The following COL4A1 variants were observed in gnomAD, a reference collection of about 807,000 sequenced individuals.
COL4A1 encodes collagen alpha-1(IV) chain.
In COL4A1, 40 loss-of-function variants were observed where a neutral mutation model predicts 216.6. The ratio of observed to expected loss-of-function variants is 0.18; its 90% CI spans 0.14 to 0.24. The LOEUF is 0.24. Ranked by LOEUF, COL4A1 falls within the 10% of genes least tolerant of loss-of-function variation. The probability of loss-of-function intolerance (pLI) is 1.00; values close to 1 mark genes in which losing one functional copy is unlikely to be tolerated. For synonymous variants in COL4A1, 839 were observed against 810.7 expected (o/e 1.03, Z -0.59); for missense variants, 1,628 against 2,196.8 (o/e 0.74, Z 5.18).
At chr13:110,184,702 GTTT>G (rs1382063309) in intron 26 of COL4A1, among the ~76,000 whole-genome samples, 10 of 135,662 alleles carry the variant, frequency 7.4e-5, no homozygotes, top group Admixed American at 2.2e-4. Context: ...GTGTGTGTGT[GTTT>G]TGTTTGTTTG....
chr13:110,267,661 G>C (rs1351889857), intron 1 of COL4A1, among the ~76,000 whole-genome samples: 1 of 152,144 alleles, frequency 6.6e-6, no homozygotes, highest in Non-Finnish European at 1.5e-5. Context: ...AAAGAAAACT[G>C]ATCTATAGCT....
At chr13:110,184,418 G>A (rs887022556) in intron 26 of COL4A1, among the ~76,000 whole-genome samples, 11 of 152,174 alleles carry the variant, frequency 7.2e-5, no homozygotes, top group Non-Finnish European at 1.5e-4. Flanking sequence ...GAAAGTGATC[G>A]GAAGTCCCTA....
At chr13:110,174,096 G>A (rs1877767685) in intron 39 of COL4A1, 98 bp from the exon 40 acceptor site, 2 of 1,323,700 alleles carry the variant, frequency 1.5e-6, no homozygotes, top group Non-Finnish European at 2.1e-6. Flanking sequence ...TAAGGGAGCT[G>A]TTCCCTCCCA....
chr13:110,176,457 G>A lies in COL4A1; in HGVS notation c.3025C>T (p.Pro1009Ser), dbSNP rs1353793045. The A allele has an allele frequency of 4.3e-6, 7 of 1,613,798 alleles. No individual in the cohort carries two copies. The South Asian group carries it at 4.4e-5, about 10-fold the overall frequency. Residue 1009 changes from proline to serine, a missense_variant, in exon 36 of 52, where the codon CCA becomes TCA. By Grantham distance (74) the Pro-to-Ser change is moderately conservative. Around this residue, in one of 8 missense-constraint regions of COL4A1, gnomAD observed 58 missense variants for 132.5 expected, o/e 0.44. Transcript: ENST00000375820. ...CCCATTCCACCAACAGATCCTTTTGGTCCCGGAAGTCCTGGAGCACCTGGG... is the reference window on the plus strand; with the variant it reads ...CCCATTCCACCAACAGATCCTTTTGATCCCGGAAGTCCTGGAGCACCTGGG... Reference protein sequence around the residue: ...GTPGAPGLPGPKGSVGGMGLP... With the variant: ...GTPGAPGLPGSKGSVGGMGLP...
At chr13:110,199,820 A>T (rs1021248854) in intron 20 of COL4A1, among the ~76,000 whole-genome samples, 1 of 152,222 alleles carries the variant, frequency 6.6e-6, no homozygotes, top group African/African-American at 2.4e-5. Context: ...GACAGTAAAC[A>T]AGGCTTCTGT....
chr13:110,181,726 C>T (rs904993631), intron 28 of COL4A1, among the ~76,000 whole-genome samples: 2 of 152,146 alleles, frequency 1.3e-5, no homozygotes, highest in Admixed American at 1.3e-4. Context: ...CTTTATTCAT[C>T]TACTCAAGGT....
rs1447772056 is a variant in COL4A1 at position 110,170,636 on chromosome 13, T to C, written c.3653A>G (p.Gln1218Arg). ...EQGFMGPPGP[Q>R]GQPGLPGSPG... ...GGATCCCGGTAACCCCGGCTGTCCCTGGGGCCCCGGAGGACCCATGAATCC... is the reference window on the plus strand; with the variant it reads ...GGATCCCGGTAACCCCGGCTGTCCCCGGGGCCCCGGAGGACCCATGAATCC... The change falls in exon 42 of 52, where the codon CAG (glutamine) becomes CGG (arginine). Residue 1218 changes from glutamine to arginine, a missense_variant. Gln to Arg is a conservative substitution (Grantham distance 43). Transcript: ENST00000375820. The C allele has an allele frequency of 1.2e-6, 2 of 1,613,356 alleles. No homozygotes were observed. Among genetic ancestry groups the C allele is most frequent in the South Asian group, 2.2e-5 (2 of 90,864 alleles).
rs1461281228 is a variant in COL4A1 at position 110,208,908 on chromosome 13, G to A, written c.652-18C>T. 2 of 1,613,534 alleles carry A rather than the reference G, an allele frequency of 1.2e-6. No homozygotes were observed. The highest frequency in any genetic ancestry group is 1.1e-5 in the South Asian group (1 of 91,072). Reference sequence around the variant, plus strand: ...ATTTGTCCCTGTGGATTAAAAATTAGGCTCTCATTATTAGATTTGTCTACT... The same window carrying A: ...ATTTGTCCCTGTGGATTAAAAATTAAGCTCTCATTATTAGATTTGTCTACT... On this transcript the variant is annotated intron_variant, in intron 11 of 51. Coordinates refer to ENST00000375820, the MANE Select transcript of COL4A1 (RefSeq NM_001845.6).
chr13:110,192,842 G>C lies in COL4A1; in HGVS notation c.1453C>G (p.Pro485Ala), dbSNP rs747214508. Residue 485 changes from proline to alanine, a missense_variant, in exon 23 of 52, where the codon CCG (proline) becomes GCG (alanine). Pro to Ala is a conservative substitution (Grantham distance 27, BLOSUM62 -1). Transcript: ENST00000375820. ...ATGTGGGTCTTACCTATTTCTCCCG[G>C]GGGTCCCTGTGGCCCGGGAGGCCCC... ...YRGPPGPQGP[P>A]GEIGFPGQPG... The C allele has an allele frequency of 4.3e-6, 7 of 1,614,006 alleles. No individual in the cohort carries two copies. The East Asian group carries it at 6.7e-5, about 15-fold the overall frequency.
At chr13:110,196,617 A>AAC (rs1555305142) in intron 21 of COL4A1, among the ~76,000 whole-genome samples, 3 of 152,050 alleles carry the variant, frequency 2.0e-5, no homozygotes, top group African/African-American at 7.2e-5. Context: ...AACAAAAAAA[A>AAC]AATAGTACAT....
At chr13:110,273,133 T>C (rs546887410) in intron 1 of COL4A1, among the ~76,000 whole-genome samples, 25 of 152,332 alleles carry the variant, frequency 1.6e-4, no homozygotes, top group African/African-American at 5.5e-4. Context: ...CAGATCCAAC[T>C]ACCTACTGGG....
intron 2 of COL4A1, among the ~76,000 whole-genome samples, chr13:110,225,235 G>A (rs1048431862): frequency 6.6e-6 from 1 of 152,086 alleles, no homozygotes; most frequent in Non-Finnish European, 1.5e-5. Flanking sequence ...ATTCCCTCTC[G>A]TTCCCTCCCC....
rs796279760 is a variant in COL4A1 at position 110,183,392 on chromosome 13, C to T, written c.1898-116G>A. ...CATCCTACCCAGCACCACGAGTGCC[C>T]GGAGAGCAGAGCCTCTGCCTGTGTT... On this transcript the variant is annotated intron_variant, in intron 26 of 51. Coordinates refer to ENST00000375820, the MANE Select transcript of COL4A1 (RefSeq NM_001845.6). 4.6e-5 allele frequency: 43 copies of T among 942,774 alleles called. 1 individual carries two copies. Among genetic ancestry groups the T allele is most frequent in the Middle Eastern group, 2.5e-4 (1 of 4,066 alleles). 58.4% of individuals were successfully genotyped at this position (942,774 alleles called of 1,614,324 possible). A position where few individuals can be genotyped will look rare whatever the true frequency, so the allele number is the denominator to read the frequency against.
intron 1 of COL4A1, among the ~76,000 whole-genome samples, chr13:110,255,031 C>G (rs1337597752): frequency 6.6e-6 from 1 of 152,196 alleles, no homozygotes; most frequent in Non-Finnish European, 1.5e-5. Context: ...CCACGCTAAG[C>G]CCATTACAAG....
rs114198011 is a variant in COL4A1 at position 110,209,273 on chromosome 13, T to G, written c.651+119A>C. 4,207 of 795,810 alleles carry G rather than the reference T, an allele frequency of 5.3e-3. 122 individuals are homozygous for G. The African/African-American group carries it at 0.066, about 13-fold the overall frequency. The allele number at this position is 795,810 out of a possible 1,614,324, so 49.3% of individuals were successfully genotyped here. ...ATAGATACTTAAAGGTATAGTTAGA[T>G]ATAGTGTTAATTTTCCAACTTTTTT... On this transcript the variant is annotated intron_variant, in intron 11 of 51. Coordinates refer to ENST00000375820, the MANE Select transcript of COL4A1 (RefSeq NM_001845.6).
rs534088243 is a variant in COL4A1, at chr13:110,202,527, A to T, written c.1000-1005T>A. On this transcript the variant is annotated intron_variant, in intron 18 of 51. Coordinates refer to ENST00000375820, the MANE Select transcript of COL4A1 (RefSeq NM_001845.6). The stretch of plus-strand genomic sequence containing the variant: ...ACCATAAATATATACAATTTTTGTC[A>T]GTTAAAAAATGAAAGTAAAACCCTT... 2.6e-5 allele frequency among the ~76,000 whole-genome samples: 4 copies of T among 152,336 alleles called. No homozygotes were observed. The South Asian group carries it at 8.3e-4, about 32-fold the overall frequency.
Position 110,306,945 on chromosome 13 carries a change from T to C in COL4A1, c.83A>G (p.Lys28Arg). The C allele has an allele frequency of 6.8e-7, 1 of 1,471,756 alleles. No homozygotes were observed. Among genetic ancestry groups the C allele is most frequent in the African/African-American group, 1.5e-5 (1 of 68,406 alleles). 91.2% of individuals were successfully genotyped at this position (1,471,756 alleles called of 1,614,324 possible). A position where few individuals can be genotyped will look rare whatever the true frequency, so the allele number is the denominator to read the frequency against. The change falls in exon 1 of 52, where the codon AAG becomes AGG. Residue 28 changes from lysine (K) to arginine (R), a missense_variant and splice_region_variant. Around this residue, in one of 8 missense-constraint regions of COL4A1, gnomAD observed 74 missense variants for 61.7 expected, o/e 1.20. Transcript: ENST00000375820. ...GAGCGGAGCTGGCCGGGAACTCACC[T>C]TCGCAGCGGCCCGGCTGTGCTCCTC... The part of the protein sequence containing the change: ...LHEEHSRAAA[K>R]GGCAGSGCGK...
At chr13:110,272,571 T>TA (rs34373348) in intron 1 of COL4A1, among the ~76,000 whole-genome samples, 25,297 of 150,930 alleles carry the variant, frequency 0.17, 2,449 homozygotes, top group Admixed American at 0.25. Flanking sequence ...AAGTCCCCTC[T>TA]AAAAGAAAAG....
intron 33 of COL4A1, 122 bp from the exon 34 acceptor site, chr13:110,177,159 G>T: frequency 6.6e-7 from 1 of 1,509,542 alleles, no homozygotes; most frequent in Middle Eastern, 2.3e-4. Context: ...CTCATAACTT[G>T]TCCAAAATGG....
Sources: gnomAD v4.1 joint callset for allele counts (sites outside exome capture counted in the v4.1 genomes callset) on GRCh38, gnomAD v4.1.1 for gene constraint, gnomAD v4.1.1 regional missense constraint, MANE v1.5 for transcripts, NCBI Gene and HGNC (gene_info 2026-07-23, HGNC 2026-07-21) for gene names.